RUBCNL: variants seen among roughly 807,000 people sequenced by gnomAD.
The protein encoded by RUBCNL is protein associated with UVRAG as autophagy enhancer.
A neutral mutation model predicts 69.5 loss-of-function variants in RUBCNL; 62 were observed. The ratio of observed to expected loss-of-function variants is 0.89; its 90% confidence interval spans 0.73 to 1.10. The LOEUF (loss-of-function observed/expected upper bound fraction) is 1.10. Among genes scored for constraint, RUBCNL ranks in the 50% least tolerant of loss-of-function variants. The pLI is 0.00. For missense variants in RUBCNL, 768 were observed against 798.1 expected (o/e 0.96, Z 0.45); for synonymous variants, 291 against 303.6 (o/e 0.96, Z 0.43).
rs938543758 is a variant in RUBCNL at position 46,349,969 on chromosome 13, C to T, written c.1569+144G>A. 5.9e-5 allele frequency: 39 copies of T among 662,262 alleles called. 1 individual carries two copies. Among genetic ancestry groups the T allele is most frequent in the Admixed American group, 4.5e-4 (16 of 35,618 alleles). 41.0% of individuals were successfully genotyped at this position (662,262 alleles called of 1,614,324 possible). On this transcript the variant is annotated intron_variant, in intron 11 of 14. Transcript: ENST00000429979. ...AAAGTGCTGGGATTACAGGTGTGAG[C>T]CCCTGCGCCCAGCCGCTTCACTCGC...
chr13:46,357,265 G>A (rs1006031343), intron 9 of RUBCNL, among the ~76,000 whole-genome samples: 1 of 150,552 alleles, frequency 6.6e-6, no homozygotes, highest in African/African-American at 2.4e-5. Flanking sequence ...CCCGGGAGAC[G>A]GAGCTTGCAG....
At chr13:46,346,938 T>C (rs2048258312) in intron 12 of RUBCNL, among the ~76,000 whole-genome samples, 1 of 152,200 alleles carries the variant, frequency 6.6e-6, no homozygotes, top group South Asian at 2.1e-4. Context: ...GGACATGGTA[T>C]TAATGTAAGT....
At chr13:46,373,371 G>A (rs2250420) in intron 2 of RUBCNL, among the ~76,000 whole-genome samples, 59,512 of 152,064 alleles carry the variant, frequency 0.39, 12,243 homozygotes, top group East Asian at 0.59. Context: ...TAGCACTGAA[G>A]ACTTTGCTTC....
upstream of RUBCNL, among the ~76,000 whole-genome samples, chr13:46,388,373 GGAAGGAAGGGC>G (rs766363309): frequency 8.2e-6 from 1 of 122,412 alleles, no homozygotes; most frequent in Non-Finnish European, 2.0e-5. Flanking sequence ...AAGAAAGGAA[GGAAGGAAGGGC>G]GAAGGAAGGA....
chr13:46,388,362 A>G (rs2049296129), upstream of RUBCNL, among the ~76,000 whole-genome samples: 1 of 145,514 alleles, frequency 6.9e-6, no homozygotes, highest in Non-Finnish European at 1.5e-5. Context: ...GAAGGAAAGC[A>G]AAGAAAGGAA....
At chr13:46,347,236 T>A (rs533250837) in intron 12 of RUBCNL, among the ~76,000 whole-genome samples, 14 of 152,184 alleles carry the variant, frequency 9.2e-5, no homozygotes, top group Non-Finnish European at 2.1e-4. Flanking sequence ...TGAAACCTTG[T>A]CTCTACTAAA....
At chr13:46,365,356 C>A (rs1427004188) in intron 5 of RUBCNL, among the ~76,000 whole-genome samples, 1 of 150,124 alleles carries the variant, frequency 6.7e-6, no homozygotes, top group Non-Finnish European at 1.5e-5. Context: ...TACGAACAGA[C>A]CTAAACCACG....
chr13:46,383,279 C>T (rs55820536), intron 1 of RUBCNL, among the ~76,000 whole-genome samples: 14,043 of 152,178 alleles, frequency 0.092, 881 homozygotes, highest in Non-Finnish European at 0.14. Flanking sequence ...ACCTCTATGC[C>T]CCTCTACCCA....
chr13:46,349,460 A>G (rs986795487), intron 11 of RUBCNL, 113 bp from the exon 12 acceptor site: 17 of 1,031,206 alleles, frequency 1.6e-5, no homozygotes, highest in Non-Finnish European at 5.9e-6. Flanking sequence ...CTTGTATAAA[A>G]CAAACCTTGA....
intron 8 of RUBCNL, among the ~76,000 whole-genome samples, chr13:46,360,646 T>C (rs1347763951): frequency 6.6e-6 from 1 of 152,220 alleles, no homozygotes; most frequent in Admixed American, 6.5e-5. Flanking sequence ...CCTTCCTAAG[T>C]TCCCCTGGTA....
At chr13:46,382,222 C>T (rs1006189825) in intron 1 of RUBCNL, among the ~76,000 whole-genome samples, 2 of 152,028 alleles carry the variant, frequency 1.3e-5, no homozygotes, top group African/African-American at 4.8e-5. Flanking sequence ...AGATCTAGAA[C>T]TAAAGGGAGC....
At chr13:46,387,453 C>A (rs760161952), upstream of RUBCNL, 128 of 985,368 alleles carry the variant, frequency 1.3e-4, no homozygotes, top group Non-Finnish European at 1.5e-4. Flanking sequence ...GCGCCCGGGC[C>A]CAGCACCACG....
rs2048126001 is a variant in RUBCNL, at chr13:46,339,459, T to C, written c.*3926A>G. Among the ~76,000 whole-genome samples the C allele has an allele frequency of 6.6e-6, 1 of 152,136 alleles. No homozygotes were observed. On this transcript the variant is annotated 3_prime_UTR_variant, in exon 15 of 15. Coordinates refer to ENST00000429979, the MANE Select transcript of RUBCNL (RefSeq NM_025113.5). ...TAAGCCAGCCATGCAGGCTCAGACC[T>C]GGGGGCAGAAACTGAATGTCAAACC... is the stretch of plus-strand genomic sequence containing the variant.
At position 46,335,509 on chromosome 13, in the gene RUBCNL, G is replaced by A. The variant is rs549066862; in HGVS notation, c.*7876C>T. 2.6e-5 allele frequency among the ~76,000 whole-genome samples: 4 copies of A among 152,208 alleles called. No homozygotes were observed. The South Asian group carries it at 8.3e-4, about 32-fold the overall frequency. Reference sequence around the variant, plus strand: ...TTGTGTGGAGAATGGACTATAGAGGGGCAAGTGTGGAAAGAGGAGATAGGA... The same window carrying A: ...TTGTGTGGAGAATGGACTATAGAGGAGCAAGTGTGGAAAGAGGAGATAGGA... On this transcript the variant is annotated 3_prime_UTR_variant, in exon 15 of 15. Coordinates refer to ENST00000429979, the MANE Select transcript of RUBCNL (RefSeq NM_025113.5).
At position 46,372,485 on chromosome 13, in the gene RUBCNL, C is replaced by T. The variant is rs1434714811; in HGVS notation, c.-10G>A. On this transcript the variant is annotated 5_prime_UTR_variant, in exon 3 of 15. Transcript: ENST00000429979. Reference sequence around the variant, plus strand: ...TAGATTGTGACACCATCTTTCCAGGCTTGTGGCTGGTGTGAATCCATTCAA... The same window carrying T: ...TAGATTGTGACACCATCTTTCCAGGTTTGTGGCTGGTGTGAATCCATTCAA... The T allele has an allele frequency of 1.3e-6, 2 of 1,591,612 alleles. No individual in the cohort carries two copies. Among genetic ancestry groups the T allele is most frequent in the Non-Finnish European group, 1.7e-6 (2 of 1,168,756 alleles).
upstream of RUBCNL, among the ~76,000 whole-genome samples, chr13:46,388,361 CAAAG>C (rs1260485832): frequency 2.4e-5 from 3 of 124,182 alleles, no homozygotes; most frequent in Non-Finnish European, 5.0e-5. Flanking sequence ...GGAAGGAAAG[CAAAG>C]AAAGGAAGGA....
chr13:46,336,635 A>G lies in RUBCNL; in HGVS notation c.*6750T>C, dbSNP rs1032793302. ...AGAAGAATGCAAGCAACTGTGGTAGAGAGGTAGGTGAAGACAATACAGTGA... is the reference window on the plus strand; with the variant it reads ...AGAAGAATGCAAGCAACTGTGGTAGGGAGGTAGGTGAAGACAATACAGTGA... On this transcript the variant is annotated 3_prime_UTR_variant, in exon 15 of 15. Transcript: ENST00000429979. Among the ~76,000 whole-genome samples the G allele has an allele frequency of 5.3e-5, 8 of 152,150 alleles. No homozygotes were observed. The highest frequency in any genetic ancestry group is 1.0e-4 in the Non-Finnish European group (7 of 68,026).
chr13:46,363,616 G>A (rs565366129), intron 5 of RUBCNL, among the ~76,000 whole-genome samples: 9 of 152,214 alleles, frequency 5.9e-5, no homozygotes, highest in Non-Finnish European at 1.3e-4. Context: ...TACTCAGGAG[G>A]CTGAGGTAGG....
chr13:46,373,783 T>A (rs2048931025), intron 2 of RUBCNL, among the ~76,000 whole-genome samples: 1 of 152,266 alleles, frequency 6.6e-6, no homozygotes, highest in South Asian at 2.1e-4. Context: ...ACCATTGCTG[T>A]GCATGCAGGC....
Sources: allele counts gnomAD v4.1 joint callset (sites outside exome capture counted in the v4.1 genomes callset), GRCh38; gene constraint gnomAD v4.1.1; transcripts MANE v1.5; gene names NCBI Gene and HGNC (gene_info 2026-07-23, HGNC 2026-07-21).